The following METAP1D variants were observed in gnomAD, a reference collection of about 807,000 sequenced individuals.
METAP1D encodes methionyl aminopeptidase type 1D, mitochondrial.
METAP1D carries 31 observed loss-of-function variants against 40.5 expected under a neutral mutation model. The observed-to-expected ratio is 0.77, with a 90% CI of 0.58 to 1.03. The LOEUF is 1.03. Among genes scored for constraint, METAP1D ranks in the 50% least tolerant of loss-of-function variants. The pLI, the probability that METAP1D is intolerant of heterozygous loss-of-function variation, is 0.00. For synonymous variants in METAP1D, 151 were observed against 146.4 expected (o/e 1.03, Z -0.22); for missense variants, 411 against 420.7 (o/e 0.98, Z 0.20).
At chr2:172,069,671 A>T (rs775268416) in intron 5 of METAP1D, among the ~76,000 whole-genome samples, 2 of 152,232 alleles carry the variant, frequency 1.3e-5, no homozygotes, top group South Asian at 4.1e-4. Flanking sequence ...GAGTAAATGT[A>T]TAAAACACTA....
At chr2:172,046,631 A>T (rs1689769477) in intron 1 of METAP1D, among the ~76,000 whole-genome samples, 1 of 152,226 alleles carries the variant, frequency 6.6e-6, no homozygotes. Context: ...TCTTTATGTG[A>T]AAGTGTCTGT....
chr2:172,075,533 C>G (rs1028118226), intron 6 of METAP1D, among the ~76,000 whole-genome samples: 12 of 152,206 alleles, frequency 7.9e-5, no homozygotes, highest in African/African-American at 2.9e-4. Context: ...GTTACCAGTA[C>G]TTTCTTTCAA....
At chr2:172,006,511 C>G (rs1037071931) in intron 1 of METAP1D, among the ~76,000 whole-genome samples, 2 of 152,130 alleles carry the variant, frequency 1.3e-5, no homozygotes, top group Admixed American at 6.6e-5. Flanking sequence ...GAAATACCCG[C>G]TTTCCTCAAG....
At chr2:172,018,126 CAAAAAA>C (rs34937813) in intron 1 of METAP1D, among the ~76,000 whole-genome samples, 6 of 76,720 alleles carry the variant, frequency 7.8e-5, no homozygotes, top group African/African-American at 3.2e-4. Flanking sequence ...GACTCTGTCT[CAAAAAA>C]AAAAAAAAAA....
chr2:172,037,524 T>C lies in METAP1D; in HGVS notation c.41-23974T>C, dbSNP rs184007102. Among the ~76,000 whole-genome samples the C allele has an allele frequency of 2.0e-5, 3 of 152,348 alleles. No homozygotes were observed. In the East Asian group the frequency reaches 5.8e-4, roughly 29 times the overall value. On this transcript the variant is annotated intron_variant, in intron 1 of 9. Transcript: ENST00000315796. ...TTATCAATTGCTACATGCCAGGCGCTGTGCTAATGAACTCTTAAGACATGT... is the reference window on the plus strand; with the variant it reads ...TTATCAATTGCTACATGCCAGGCGCCGTGCTAATGAACTCTTAAGACATGT...
intron 1 of METAP1D, among the ~76,000 whole-genome samples, chr2:172,006,934 A>G (rs116006803): frequency 7.9e-4 from 120 of 152,260 alleles, no homozygotes; most frequent in Middle Eastern, 3.4e-3. Context: ...CGTTGTACAT[A>G]TCAGTTCTAG....
At chr2:172,078,056 C>T (rs1033246677) in intron 7 of METAP1D, among the ~76,000 whole-genome samples, 162 bp downstream of exon 7, 1 of 151,964 alleles carries the variant, frequency 6.6e-6, no homozygotes, top group Non-Finnish European at 1.5e-5. Flanking sequence ...TTAATTTTAA[C>T]CGGGACATTA....
At chr2:172,011,047 G>A (rs1029527018) in intron 1 of METAP1D, among the ~76,000 whole-genome samples, 1 of 152,018 alleles carries the variant, frequency 6.6e-6, no homozygotes, top group Admixed American at 6.5e-5. Flanking sequence ...GAGCCACCGC[G>A]CCCAGCCTGT....
chr2:172,033,942 T>G (rs1449461573), intron 1 of METAP1D, among the ~76,000 whole-genome samples: 1 of 151,614 alleles, frequency 6.6e-6, no homozygotes, highest in Admixed American at 6.6e-5. Flanking sequence ...CTGGCAGTGG[T>G]GGTGCGTGCC....
At chr2:172,045,836 T>TATATATATATATATAC (rs1689749984) in intron 1 of METAP1D, among the ~76,000 whole-genome samples, 1 of 87,708 alleles carries the variant, frequency 1.1e-5, no homozygotes, top group East Asian at 6.5e-4. Context: ...TATATATATA[T>TATATATATATATATAC]ATATATATAT....
intron 1 of METAP1D, among the ~76,000 whole-genome samples, chr2:172,003,243 C>G (rs1274483984): frequency 6.6e-6 from 1 of 152,086 alleles, no homozygotes; most frequent in Non-Finnish European, 1.5e-5. Context: ...GACTAAAATA[C>G]TCCCAAGTAT....
At chr2:172,073,491 G>A (rs1690472461) in intron 6 of METAP1D, among the ~76,000 whole-genome samples, 2 of 152,014 alleles carry the variant, frequency 1.3e-5, no homozygotes, top group South Asian at 4.1e-4. Flanking sequence ...GCATGTACAA[G>A]CTTTTTTGAA....
chr2:172,043,346 TG>T (rs1689664456), intron 1 of METAP1D, among the ~76,000 whole-genome samples: 1 of 131,728 alleles, frequency 7.6e-6, no homozygotes, highest in Non-Finnish European at 1.8e-5. Context: ...ACTCCATATT[TG>T]GAAGGAAGGA....
intron 1 of METAP1D, among the ~76,000 whole-genome samples, chr2:172,018,126 CAAAAAAAAAAAA>C (rs34937813): frequency 3.9e-5 from 3 of 76,722 alleles, no homozygotes; most frequent in Non-Finnish European, 2.4e-5. Context: ...GACTCTGTCT[CAAAAAAAAAAAA>C]AAAAAAAAAG....
intron 6 of METAP1D, among the ~76,000 whole-genome samples, chr2:172,074,429 T>G (rs1156794573): frequency 6.6e-6 from 1 of 152,214 alleles, no homozygotes; most frequent in Non-Finnish European, 1.5e-5. Context: ...GATGGATTTT[T>G]CTTGACAGCT....
rs749515043 is a variant in METAP1D at position 172,063,747 on chromosome 2, G to A, written c.235G>A (p.Val79Ile). The change falls in exon 3 of 10, where the codon GTA (valine) becomes ATA (isoleucine). Residue 79 changes from valine to isoleucine, a missense_variant. Transcript: ENST00000315796. Reference protein sequence around the residue: ...KKPDYVTTGIVPDWGDSIEVK... With the variant: ...KKPDYVTTGIIPDWGDSIEVK... ...GCCAGACTATGTGACGACAGGCATT[G>A]TACCAGACTGGGGAGACAGCATAGA... is the stretch of plus-strand genomic sequence containing the variant. 1.2e-6 allele frequency: 2 copies of A among 1,614,046 alleles called. No individual in the cohort carries two copies. Among genetic ancestry groups the A allele is most frequent in the Non-Finnish European group, 1.7e-6 (2 of 1,179,978 alleles).
intron 1 of METAP1D, among the ~76,000 whole-genome samples, chr2:172,016,300 A>AAAAAAAAAAATATATAT (rs1553490378): frequency 2.5e-5 from 1 of 40,038 alleles, no homozygotes; most frequent in Non-Finnish European, 4.6e-5. Flanking sequence ...AAAAAAAAAA[A>AAAAAAAAAAATATATAT]ATATATATAT....
intron 1 of METAP1D, among the ~76,000 whole-genome samples, chr2:172,041,726 T>TATA (rs1553493427): frequency 5.3e-5 from 2 of 37,570 alleles, no homozygotes; most frequent in Non-Finnish European, 1.3e-4. Context: ...TCTAATTATT[T>TATA]TATATATATA....
chr2:172,009,171 G>C (rs991156552), intron 1 of METAP1D, among the ~76,000 whole-genome samples: 2 of 151,940 alleles, frequency 1.3e-5, no homozygotes, highest in African/African-American at 2.4e-5. Flanking sequence ...CTCCCGAGTA[G>C]CTGGGACTAG....
Sources: gnomAD v4.1 joint callset for allele counts (sites outside exome capture counted in the v4.1 genomes callset) on GRCh38, gnomAD v4.1.1 for gene constraint, MANE v1.5 for transcripts, NCBI Gene and HGNC (gene_info 2026-07-23, HGNC 2026-07-21) for gene names.